SERTM2: variants seen among roughly 807,000 people sequenced by gnomAD.
The protein encoded by SERTM2 is serine rich and transmembrane domain containing 2, also known as serine-rich and transmembrane domain-containing protein 2.
chrX:111,517,876 T>G (rs763805157), intron 2 of SERTM2, among the ~76,000 whole-genome samples, 199 bp from the exon 3 acceptor site: 10 of 111,372 alleles, frequency 9.0e-5, no homozygotes, highest in Non-Finnish European at 1.7e-4. Flanking sequence ...AGGTTAGTCA[T>G]TAGCTGCTGT....
chrX:111,517,881 TG>T (rs1157349002), intron 2 of SERTM2, among the ~76,000 whole-genome samples, 193 bp from the exon 3 acceptor site: 3 of 111,523 alleles, frequency 2.7e-5, no homozygotes, highest in Non-Finnish European at 5.7e-5. Flanking sequence ...AGTCATTAGC[TG>T]CTGTTTACTG....
Position 111,518,883 on chromosome X carries a change from A to G in SERTM2, c.26A>G (p.His9Arg). Residue 9 changes from histidine (H) to arginine (R), a missense_variant, in exon 3 of 3, where the codon CAT (histidine) becomes CGT (arginine). Transcript: ENST00000569275. MMEAHFKY[H>R]GNLTGRAHFP... The stretch of plus-strand genomic sequence containing the variant: ...ATGATGGAGGCGCATTTTAAATACC[A>G]TGGAAATCTCACTGGGCGTGCCCAT... 3.4e-6 allele frequency: 1 copy of G among 297,686 alleles called. No homozygotes were observed. Among genetic ancestry groups the G allele is most frequent in the Non-Finnish European group, 5.9e-6 (1 of 170,173 alleles). The allele number at this position is 297,686 out of a possible 1,213,427, so 24.5% of individuals were successfully genotyped here. A position where few individuals can be genotyped will look rare whatever the true frequency, so the allele number is the denominator to read the frequency against.
intron 2 of SERTM2, among the ~76,000 whole-genome samples, chrX:111,515,199 AG>A (rs1930290193): frequency 9.0e-6 from 1 of 111,661 alleles, no homozygotes; most frequent in African/African-American, 3.3e-5. Context: ...GGGGTCCAAA[AG>A]GGAGTATAAA....
chrX:111,516,417 A>T (rs1459146489), intron 2 of SERTM2, among the ~76,000 whole-genome samples: 1 of 109,812 alleles, frequency 9.1e-6, no homozygotes, highest in Non-Finnish European at 1.9e-5. Context: ...AATAAGATAG[A>T]TTAGCTGTAT....
At chrX:111,513,937 G>C (rs1257743296) in intron 2 of SERTM2, among the ~76,000 whole-genome samples, 1 of 111,293 alleles carries the variant, frequency 9.0e-6, no homozygotes, top group Non-Finnish European at 1.9e-5. Context: ...AATTGTGTAG[G>C]AGGCAGAAAA....
At chrX:111,514,669 G>T (rs1049034611) in intron 2 of SERTM2, among the ~76,000 whole-genome samples, 2 of 111,545 alleles carry the variant, frequency 1.8e-5, no homozygotes, top group African/African-American at 6.5e-5. Flanking sequence ...GGCATTGACA[G>T]CCTTAAATGT....
intron 2 of SERTM2, among the ~76,000 whole-genome samples, chrX:111,517,673 AT>A (rs11378226): frequency 0.031 from 3,193 of 103,870 alleles, 51 homozygotes; most frequent in Non-Finnish European, 0.046. Context: ...ATGGGTGGCT[AT>A]TTTTTTTTTT....
chrX:111,519,316 C>T lies in SERTM2; in HGVS notation c.*186C>T, dbSNP rs1040796906. The T allele has an allele frequency of 1.5e-5, 4 of 266,304 alleles. No individual in the cohort carries two copies. The highest frequency in any genetic ancestry group is 8.4e-5 in the African/African-American group (3 of 35,643). The allele number at this position is 266,304 out of a possible 1,213,427, so 21.9% of individuals were successfully genotyped here. On this transcript the variant is annotated 3_prime_UTR_variant, in exon 3 of 3. Transcript: ENST00000569275. ...TACTCTGCTTGTGGGCTATCTAAAACGTTTAAGACTCACTCTGAAAGGAAT... is the reference window on the plus strand; with the variant it reads ...TACTCTGCTTGTGGGCTATCTAAAATGTTTAAGACTCACTCTGAAAGGAAT...
chrX:111,514,696 G>A (rs911349558), intron 2 of SERTM2, among the ~76,000 whole-genome samples: 8 of 111,571 alleles, frequency 7.2e-5, no homozygotes, highest in Admixed American at 2.9e-4. Flanking sequence ...AAGGAGAATG[G>A]AGTAAAATCC....
Position 111,519,293 on chromosome X carries a change from C to G in SERTM2, c.*163C>G, listed in dbSNP as rs1205157821. 1 of 280,244 alleles carries G rather than the reference C, an allele frequency of 3.6e-6. No homozygotes were observed. Among genetic ancestry groups the G allele is most frequent in the Non-Finnish European group, 6.2e-6 (1 of 160,154 alleles). 23.1% of individuals were successfully genotyped at this position (280,244 alleles called of 1,213,427 possible). The stretch of plus-strand genomic sequence containing the variant: ...TTCTTTGTGTTATTCTTCATCTTTA[C>G]TCTGCTTGTGGGCTATCTAAAACGT... On this transcript the variant is annotated 3_prime_UTR_variant, in exon 3 of 3. Coordinates refer to ENST00000569275, the MANE Select transcript of SERTM2 (RefSeq NM_001354473.2).
chrX:111,517,420 T>C (rs929926965), intron 2 of SERTM2, among the ~76,000 whole-genome samples: 3 of 111,383 alleles, frequency 2.7e-5, no homozygotes, highest in African/African-American at 9.8e-5. Context: ...TTATTGCTTT[T>C]CTTCTATCTC....
At chrX:111,512,863 T>C (rs1323334397) in intron 2 of SERTM2, among the ~76,000 whole-genome samples, 2 of 111,586 alleles carry the variant, frequency 1.8e-5, no homozygotes, top group African/African-American at 6.5e-5. Context: ...ATGTCAAAAA[T>C]TAGTGAGAAC....
rs1930425862 is a variant in SERTM2, at chrX:111,522,313, T to G, written c.*3183T>G. On this transcript the variant is annotated 3_prime_UTR_variant, in exon 3 of 3. Coordinates refer to ENST00000569275, the MANE Select transcript of SERTM2 (RefSeq NM_001354473.2). Reference sequence around the variant, plus strand: ...ATTAATGTTTGAAATAGATTCATATTGTATAAAAATGGAAATATATTTGCA... The same window carrying G: ...ATTAATGTTTGAAATAGATTCATATGGTATAAAAATGGAAATATATTTGCA... 8.9e-6 allele frequency: 1 copy of G among 112,224 alleles called. No individual in the cohort carries two copies. The highest frequency in any genetic ancestry group is 3.7e-4 in the South Asian group (1 of 2,694). The allele number at this position is 112,224 out of a possible 1,213,427, so 9.2% of individuals were successfully genotyped here.
In SERTM2 at chrX:111,520,652, C is replaced by G. The variant is rs1429819696; in HGVS notation, c.*1522C>G. 1 of 111,632 alleles carries G rather than the reference C, an allele frequency of 9.0e-6. No individual in the cohort carries two copies. The allele number at this position is 111,632 out of a possible 1,213,427, so 9.2% of individuals were successfully genotyped here. On this transcript the variant is annotated 3_prime_UTR_variant, in exon 3 of 3. Transcript: ENST00000569275. ...CCCAAGTGCTTTCCACTTTTATACA[C>G]AGTCATTTGTCAATGCTCCTCTCTC...
intron 2 of SERTM2, among the ~76,000 whole-genome samples, chrX:111,514,635 G>A (rs931478875): frequency 6.3e-5 from 7 of 111,255 alleles, no homozygotes; most frequent in African/African-American, 1.6e-4. Flanking sequence ...GGTAATGGAA[G>A]GAATTAAGGT....
rs1284361111 is a variant in SERTM2, at chrX:111,521,449, G to A, written c.*2319G>A. On this transcript the variant is annotated 3_prime_UTR_variant, in exon 3 of 3. Coordinates refer to ENST00000569275, the MANE Select transcript of SERTM2 (RefSeq NM_001354473.2). ...TAAATGGAAATGCTTTTAAGCAGAT[G>A]TGTCATTATAATGACTCACATGGTA... The A allele has an allele frequency of 9.0e-6, 1 of 111,393 alleles. No homozygotes were observed. The highest frequency in any genetic ancestry group is 1.9e-5 in the Non-Finnish European group (1 of 53,097). 9.2% of individuals were successfully genotyped at this position (111,393 alleles called of 1,213,427 possible). A position where few individuals can be genotyped will look rare whatever the true frequency, so the allele number is the denominator to read the frequency against.
intron 2 of SERTM2, among the ~76,000 whole-genome samples, chrX:111,514,671 C>A (rs1298479372): frequency 9.0e-6 from 1 of 111,428 alleles, no homozygotes; most frequent in Admixed American, 9.6e-5. Flanking sequence ...CATTGACAGC[C>A]TTAAATGTCA....
Position 111,518,975 on chromosome X carries a change from G to T in SERTM2, c.118G>T (p.Gly40Cys), listed in dbSNP as rs142419769. Residue 40 changes from glycine to cysteine, a missense_variant, in exon 3 of 3, where the codon GGC becomes TGC. By Grantham distance (159) the Gly-to-Cys change is radical. Transcript: ENST00000569275. ...GTATTCCAACCTGTACATGTATGTG[G>T]GCTTATTCCTGAGCCTCCTGGCCAT... ...DKYSNLYMYVGLFLSLLAILL... is the reference protein window; with the variant it reads ...DKYSNLYMYVCLFLSLLAILL... 26 of 295,673 alleles carry T rather than the reference G, an allele frequency of 8.8e-5. No individual in the cohort carries two copies. The highest frequency in any genetic ancestry group is 6.6e-4 in the African/African-American group (24 of 36,386). The allele number at this position is 295,673 out of a possible 1,213,427, so 24.4% of individuals were successfully genotyped here.
In SERTM2 at chrX:111,518,735, G is replaced by A; in HGVS notation, c.-123G>A. 6.8e-6 allele frequency: 2 copies of A among 296,008 alleles called. No individual in the cohort carries two copies. Among genetic ancestry groups the A allele is most frequent in the Non-Finnish European group, 1.2e-5 (2 of 169,530 alleles). 24.4% of individuals were successfully genotyped at this position (296,008 alleles called of 1,213,427 possible). On this transcript the variant is annotated 5_prime_UTR_variant, in exon 3 of 3. Coordinates refer to ENST00000569275, the MANE Select transcript of SERTM2 (RefSeq NM_001354473.2). ...GTGCTATTGCCTTAGCTCTGAGAGT[G>A]ATTGGTTTTTACCAGATTGTTAGAA...
Sources: allele counts gnomAD v4.1 joint callset (sites outside exome capture counted in the v4.1 genomes callset), GRCh38; gene constraint gnomAD v4.1.1; transcripts MANE v1.5; gene names NCBI Gene and HGNC (gene_info 2026-07-23, HGNC 2026-07-21).